Variants in NTAQ1 observed in about 807,000 individuals in gnomAD.
NTAQ1 encodes the protein N-terminal glutamine amidase 1, also known as protein N-terminal glutamine amidohydrolase.
NTAQ1 carries 21 observed loss-of-function variants against 28.2 expected under a neutral mutation model. The ratio of observed to expected loss-of-function variants is 0.74; its 90% CI spans 0.53 to 1.07. The LOEUF is 1.07. NTAQ1 is among the 50% of genes least tolerant of loss of function. The probability of loss-of-function intolerance (pLI) is 0.00; values close to 1 mark genes in which losing one functional copy is unlikely to be tolerated. For synonymous variants in NTAQ1, 105 were observed against 90.0 expected (o/e 1.17, Z -0.94); for missense variants, 264 against 256.6 (o/e 1.03, Z -0.20).
chr8:123,417,477 G>C (rs1813370642), intron 1 of NTAQ1, among the ~76,000 whole-genome samples: 1 of 152,164 alleles, frequency 6.6e-6, no homozygotes, highest in Admixed American at 6.5e-5. Context: ...AGGGCTGCAA[G>C]TAATTTGCGC....
intron 6 of NTAQ1, among the ~76,000 whole-genome samples, chr8:123,466,925 A>G (rs976713231): frequency 3.9e-5 from 6 of 152,146 alleles, no homozygotes; most frequent in Non-Finnish European, 7.3e-5. Flanking sequence ...AACATCTTCT[A>G]TATATAAGTT....
chr8:123,426,883 C>G (rs976231686), intron 1 of NTAQ1, among the ~76,000 whole-genome samples: 3 of 152,112 alleles, frequency 2.0e-5, no homozygotes, highest in Non-Finnish European at 4.4e-5. Context: ...TCACTTGAAC[C>G]TGAGAAGTGG....
chr8:123,458,383 A>G lies in NTAQ1; in HGVS notation c.373-8696A>G, dbSNP rs138118084. On this transcript the variant is annotated intron_variant, in intron 6 of 6. Transcript: ENST00000650311. ...CCGCTCCGAGCCTGTTTGTTTACCA[A>G]TTCTAACCCTTTGATTGGGCTGCTG... Among the ~76,000 whole-genome samples the G allele has an allele frequency of 2.4e-3, 362 of 152,226 alleles. 2 individuals carry two copies. Among genetic ancestry groups the G allele is most frequent in the African/African-American group, 8.2e-3 (340 of 41,542 alleles).
chr8:123,465,574 CTTTTTTTTTTTT>C (rs71310691), intron 6 of NTAQ1, among the ~76,000 whole-genome samples: 64 of 78,582 alleles, frequency 8.1e-4, no homozygotes, highest in African/African-American at 3.0e-3. Context: ...AGCATAACAT[CTTTTTTTTTTTT>C]TTTTTTTTTT....
intron 1 of NTAQ1, among the ~76,000 whole-genome samples, chr8:123,421,166 C>G (rs1291429111): frequency 6.6e-6 from 1 of 152,154 alleles, no homozygotes; most frequent in Non-Finnish European, 1.5e-5. Flanking sequence ...TCACTGCAGC[C>G]TCGACCTGGT....
downstream of NTAQ1, among the ~76,000 whole-genome samples, chr8:123,474,476 C>T (rs921114825): frequency 6.6e-6 from 1 of 152,310 alleles, no homozygotes. Context: ...TCCAGAAGTA[C>T]ACAATGCTAG....
At chr8:123,445,697 C>G (rs891026851), downstream of NTAQ1, among the ~76,000 whole-genome samples, 2 of 152,122 alleles carry the variant, frequency 1.3e-5, no homozygotes, top group Non-Finnish European at 2.9e-5. Context: ...CCTCCGCCTC[C>G]CGGGTTGAAG....
intron 3 of NTAQ1, among the ~76,000 whole-genome samples, chr8:123,431,074 A>T (rs1035352371): frequency 1.3e-5 from 2 of 152,196 alleles, no homozygotes; most frequent in African/African-American, 4.8e-5. Context: ...ACGGTGGCTC[A>T]TGCCTATAAT....
At chr8:123,455,569 C>T (rs1048111908) in intron 6 of NTAQ1, among the ~76,000 whole-genome samples, 9 of 151,774 alleles carry the variant, frequency 5.9e-5, no homozygotes, top group African/African-American at 1.7e-4. Context: ...AGACTACAGG[C>T]GTGTGCCACC....
At chr8:123,446,510 T>G (rs2130358746), downstream of NTAQ1, among the ~76,000 whole-genome samples, 1 of 152,302 alleles carries the variant, frequency 6.6e-6, no homozygotes, top group East Asian at 1.9e-4. Flanking sequence ...GGGTCTCCTT[T>G]CTTGTCTTTG....
intron 6 of NTAQ1, among the ~76,000 whole-genome samples, chr8:123,460,824 A>T (rs967648881): frequency 6.6e-6 from 1 of 152,072 alleles, no homozygotes; most frequent in Non-Finnish European, 1.5e-5. Flanking sequence ...GACGTAGTGG[A>T]GTTTGTATTG....
chr8:123,420,906 C>T (rs1813644313), intron 1 of NTAQ1, among the ~76,000 whole-genome samples: 1 of 150,014 alleles, frequency 6.7e-6, no homozygotes, highest in South Asian at 2.1e-4. Context: ...TCTGCTTCAG[C>T]CTCCTAAGTA....
chr8:123,467,601 A>C (rs567194097), exon 7 of NTAQ1, among the ~76,000 whole-genome samples: 1 of 152,200 alleles, frequency 6.6e-6, no homozygotes, highest in Non-Finnish European at 1.5e-5. Flanking sequence ...TAAATTAATT[A>C]CTGGCCATTC....
chr8:123,440,357 C>T (rs932303362), intron 5 of NTAQ1, among the ~76,000 whole-genome samples: 37 of 150,868 alleles, frequency 2.5e-4, no homozygotes, highest in African/African-American at 9.0e-4. Flanking sequence ...GGTTTCACCA[C>T]GTTGGCCAGG....
At chr8:123,450,929 C>T (rs1482807668), downstream of NTAQ1, among the ~76,000 whole-genome samples, 4 of 152,234 alleles carry the variant, frequency 2.6e-5, no homozygotes, top group Non-Finnish European at 5.9e-5. Flanking sequence ...CAAACCACCA[C>T]CACTTTGCAA....
intron 3 of NTAQ1, chr8:123,435,488 T>C (rs1404205347): frequency 2.0e-6 from 2 of 985,334 alleles, no homozygotes; most frequent in Non-Finnish European, 2.4e-6. Context: ...AGCAGATCCT[T>C]GCAGACGTTT....
chr8:123,441,280 CATTTTTTTTTCATAT>C lies in NTAQ1; in HGVS notation c.509-17_509-3del. 1.9e-6 allele frequency: 3 copies of C among 1,555,346 alleles called. No individual in the cohort carries two copies. Among genetic ancestry groups the C allele is most frequent in the South Asian group, 1.2e-5 (1 of 84,820 alleles). On this transcript the variant is annotated splice_polypyrimidine_tract_variant and intron_variant, in intron 5 of 5. Coordinates refer to ENST00000287387, the MANE Select transcript of NTAQ1 (RefSeq NM_018024.3). ...AAACCAAAATTGTGTTTTCAGTGGACATTTTTTTTTCATATATTTTTTTAGATTCCAAAATGAACC... is the reference window on the plus strand; with the variant it reads ...AAACCAAAATTGTGTTTTCAGTGGACATTTTTTTAGATTCCAAAATGAACC...
At chr8:123,435,543 G>A (rs781474399) in intron 3 of NTAQ1, 6 of 984,994 alleles carry the variant, frequency 6.1e-6, no homozygotes, top group Non-Finnish European at 6.0e-6. Flanking sequence ...GAATGCGCAC[G>A]TATGTCTTTA....
At chr8:123,423,642 A>G (rs529283591) in intron 1 of NTAQ1, among the ~76,000 whole-genome samples, 1 of 152,094 alleles carries the variant, frequency 6.6e-6, no homozygotes, top group East Asian at 1.9e-4. Context: ...CTTTTTTTTA[A>G]CATTGAAACT....
Sources: allele counts gnomAD v4.1 joint callset (sites outside exome capture counted in the v4.1 genomes callset), GRCh38; gene constraint gnomAD v4.1.1; transcripts MANE v1.5; gene names NCBI Gene and HGNC (gene_info 2026-07-23, HGNC 2026-07-21).